SLCO3A1: variants seen among roughly 807,000 people sequenced by gnomAD.
SLCO3A1 encodes the protein PGE1 transporter.
A neutral mutation model predicts 63.1 loss-of-function variants in SLCO3A1; 27 were observed. The observed-to-expected ratio is 0.43, with a 90% confidence interval of 0.32 to 0.59. The LOEUF (loss-of-function observed/expected upper bound fraction) is 0.59, where lower values mean the gene tolerates loss of function less well. Ranked by LOEUF, SLCO3A1 falls within the 20% of genes least tolerant of loss-of-function variation. The pLI is 0.09. For synonymous variants in SLCO3A1, 473 were observed against 409.9 expected (o/e 1.15, Z -1.86); for missense variants, 773 against 945.8 (o/e 0.82, Z 2.40).
chr15:91,987,981 G>T (rs904427779), intron 2 of SLCO3A1, among the ~76,000 whole-genome samples: 1 of 152,136 alleles, frequency 6.6e-6, no homozygotes, highest in African/African-American at 2.4e-5. Context: ...AAGAACACTT[G>T]TGTCAAATTT....
intron 3 of SLCO3A1, 78 bp from the exon 4 acceptor site, chr15:92,104,201 G>A: frequency 1.3e-6 from 2 of 1,525,138 alleles, no homozygotes; most frequent in African/African-American, 2.7e-5. Flanking sequence ...TCTCTGTTCA[G>A]CGGATTCAGA....
Position 91,906,559 on chromosome 15 carries a change from G to A in SLCO3A1, c.181-9434G>A, listed in dbSNP as rs562333057. ...AACAGTTCTGCATATAGCAGCGTGT[G>A]TGTGTGCATAAATCAAATGAGGGCC... is the stretch of plus-strand genomic sequence containing the variant. On this transcript the variant is annotated intron_variant, in intron 1 of 9. Coordinates refer to ENST00000318445, the MANE Select transcript of SLCO3A1 (RefSeq NM_013272.4). 3.3e-5 allele frequency among the ~76,000 whole-genome samples: 5 copies of A among 152,338 alleles called. No individual in the cohort carries two copies. In the South Asian group the frequency reaches 6.2e-4, roughly 19 times the overall value.
intron 2 of SLCO3A1, among the ~76,000 whole-genome samples, chr15:91,992,216 C>CAT (rs776829621): frequency 6.6e-6 from 1 of 152,208 alleles, no homozygotes; most frequent in African/African-American, 2.4e-5. Flanking sequence ...ACAAAATGAG[C>CAT]ATCAAGGAAG....
At chr15:92,153,221 A>G (rs1463609941) in intron 9 of SLCO3A1, among the ~76,000 whole-genome samples, 2 of 149,932 alleles carry the variant, frequency 1.3e-5, no homozygotes, top group East Asian at 1.9e-4. Flanking sequence ...GCACATGCCT[A>G]TGCCTAGATA....
intron 2 of SLCO3A1, among the ~76,000 whole-genome samples, chr15:92,084,481 C>T (rs577242254): frequency 1.7e-4 from 26 of 152,278 alleles, no homozygotes; most frequent in Admixed American, 9.8e-4. Flanking sequence ...CACAGACACA[C>T]CAGTACAGCA....
intron 5 of SLCO3A1, among the ~76,000 whole-genome samples, chr15:92,125,693 C>T (rs936496236): frequency 1.3e-5 from 2 of 151,964 alleles, no homozygotes; most frequent in Admixed American, 6.6e-5. Context: ...TCACAGAGCA[C>T]ATCACTGCTC....
rs1241923798 is a variant in SLCO3A1 at position 91,968,091 on chromosome 15, C to T, written c.646+51633C>T. Among the ~76,000 whole-genome samples the T allele has an allele frequency of 6.6e-6, 1 of 152,120 alleles. No homozygotes were observed. Among genetic ancestry groups the T allele is most frequent in the African/African-American group, 2.4e-5 (1 of 41,428 alleles). On this transcript the variant is annotated intron_variant, in intron 2 of 9. Coordinates refer to ENST00000318445, the MANE Select transcript of SLCO3A1 (RefSeq NM_013272.4). The surrounding 1 kb of genome is among the most constrained non-coding windows in gnomAD (Gnocchi z 4.2). ...CTGCCTAGTCGCCCTGGAAAGTACC[C>T]AGGGAAGCCACTTACGGCCTATCCA...
chr15:92,072,265 C>T (rs1457405001), intron 2 of SLCO3A1, among the ~76,000 whole-genome samples: 1 of 151,842 alleles, frequency 6.6e-6, no homozygotes, highest in Non-Finnish European at 1.5e-5. Context: ...TGGCCCAACC[C>T]AGCCTCAAGC....
intron 10 of SLCO3A1, chr15:92,171,271 A>G (rs538784618): frequency 6.5e-6 from 1 of 153,212 alleles, no homozygotes; most frequent in South Asian, 2.1e-4. Context: ...ACCTTGCTCC[A>G]AAGAGGATAT....
intron 2 of SLCO3A1, among the ~76,000 whole-genome samples, chr15:92,053,786 C>CA (rs1375012787): frequency 6.6e-6 from 1 of 151,024 alleles, no homozygotes; most frequent in Non-Finnish European, 1.5e-5. Flanking sequence ...CTCATCCCAT[C>CA]ATATCAAGGG....
chr15:92,056,757 A>ATT lies in SLCO3A1; in HGVS notation c.647-38124_647-38123insTT, dbSNP rs2047026843. The stretch of plus-strand genomic sequence containing the variant: ...CTCTTATCACTGTCCCCTGCCTAAG[A>ATT]AAGCCTTGCTGGCAGCAGCATGGGT... On this transcript the variant is annotated intron_variant, in intron 2 of 9. Transcript: ENST00000318445. Among the ~76,000 whole-genome samples, 4 of 152,334 alleles carry ATT rather than the reference A, an allele frequency of 2.6e-5. No homozygotes were observed. In the South Asian group the frequency reaches 8.3e-4, roughly 32 times the overall value.
intron 5 of SLCO3A1, among the ~76,000 whole-genome samples, chr15:92,124,228 A>G (rs1181635965): frequency 6.6e-6 from 1 of 152,208 alleles, no homozygotes. Context: ...TTGTGAGTGA[A>G]GATAAAAAGG....
intron 9 of SLCO3A1, among the ~76,000 whole-genome samples, chr15:92,157,558 T>C (rs1418423341): frequency 2.0e-5 from 3 of 151,832 alleles, no homozygotes; most frequent in African/African-American, 7.3e-5. Context: ...TAGTGTGATC[T>C]TGGCTCACTG....
At chr15:92,097,388 C>T (rs1336847338) in intron 3 of SLCO3A1, among the ~76,000 whole-genome samples, 3 of 152,324 alleles carry the variant, frequency 2.0e-5, no homozygotes, top group East Asian at 1.9e-4. Context: ...AAATGACCAG[C>T]GGGTAGACAG....
At chr15:92,047,029 T>TAA (rs2046874691) in intron 2 of SLCO3A1, among the ~76,000 whole-genome samples, 1 of 44,538 alleles carries the variant, frequency 2.2e-5, no homozygotes, top group South Asian at 5.7e-4. Flanking sequence ...AATATATAAA[T>TAA]ATATATATAT....
At chr15:91,917,785 G>A (rs529927772) in intron 2 of SLCO3A1, among the ~76,000 whole-genome samples, 4 of 152,260 alleles carry the variant, frequency 2.6e-5, no homozygotes, top group Non-Finnish European at 4.4e-5. Flanking sequence ...AGTGAAAGCC[G>A]CTCCACGTGA....
intron 2 of SLCO3A1, among the ~76,000 whole-genome samples, chr15:92,092,502 G>A (rs1484561987): frequency 1.3e-5 from 2 of 152,050 alleles, no homozygotes; most frequent in African/African-American, 4.8e-5. Context: ...TTTGTTTGCT[G>A]AGCCGTCTCT....
chr15:92,039,509 C>A (rs892971908), intron 2 of SLCO3A1, among the ~76,000 whole-genome samples: 4 of 152,110 alleles, frequency 2.6e-5, no homozygotes, highest in Admixed American at 2.6e-4. Flanking sequence ...CAAAACAAAA[C>A]GACAATGAGA....
chr15:92,048,011 C>T (rs1567088505), intron 2 of SLCO3A1, among the ~76,000 whole-genome samples: 3 of 152,040 alleles, frequency 2.0e-5, no homozygotes, highest in South Asian at 2.1e-4. Flanking sequence ...TCTGCTGTTG[C>T]CTCTCTCTGC....
Sources: allele counts gnomAD v4.1 joint callset (sites outside exome capture counted in the v4.1 genomes callset), GRCh38; gene constraint gnomAD v4.1.1; non-coding constraint Gnocchi (gnomAD v3.1); transcripts MANE v1.5; gene names NCBI Gene and HGNC (gene_info 2026-07-23, HGNC 2026-07-21).